The following PER2 variants were observed in gnomAD, a reference collection of about 807,000 sequenced individuals.
PER2 encodes the protein period circadian regulator 2.
Under a neutral mutation model 121.0 loss-of-function variants are expected in PER2, and 66 were observed. The ratio of observed to expected loss-of-function variants is 0.55; its 90% CI spans 0.45 to 0.67. The LOEUF (loss-of-function observed/expected upper bound fraction) is 0.67, where lower values mean the gene tolerates loss of function less well. PER2 is among the 30% of genes least tolerant of loss of function. PER2 has a pLI of 0.00. For synonymous variants in PER2, 684 were observed against 659.9 expected (o/e 1.04, Z -0.56); for missense variants, 1,521 against 1,635.0 (o/e 0.93, Z 1.20).
chr2:238,272,956 T>C (rs1696334847), intron 5 of PER2, 114 bp downstream of exon 5: 1 of 942,340 alleles, frequency 1.1e-6, no homozygotes, highest in Non-Finnish European at 1.7e-6. Flanking sequence ...GGAACTTATC[T>C]GCTGAAACCC....
At chr2:238,275,223 CCA>C (rs1696415678) in intron 4 of PER2, among the ~76,000 whole-genome samples, 1 of 152,196 alleles carries the variant, frequency 6.6e-6, no homozygotes, top group Non-Finnish European at 1.5e-5. Context: ...AGGCACAGCT[CCA>C]CAGTCGGGAG....
In PER2 at chr2:238,277,902, C is replaced by A. The variant is rs773040836; in HGVS notation, c.35G>T (p.Ser12Ile). 1.2e-6 allele frequency: 2 copies of A among 1,613,874 alleles called. No individual in the cohort carries two copies. Among genetic ancestry groups the A allele is most frequent in the Non-Finnish European group, 8.5e-7 (1 of 1,180,050 alleles). ...CTCCACGGGCTCCTTGGTGGGGTTA[C>A]TGGGGCTGGGCGGAAATTCCGCGTA... ...NGYAEFPPSP[S>I]NPTKEPVEPQ... The change falls in exon 2 of 23, where the codon AGT becomes ATT. Residue 12 changes from serine to isoleucine, a missense_variant. Physicochemically the swap from Ser to Ile is moderately radical, Grantham distance 142 (BLOSUM62 -2). Coordinates refer to ENST00000254657, the MANE Select transcript of PER2 (RefSeq NM_022817.3).
At chr2:238,292,806 C>T (rs1484033930), upstream of PER2, among the ~76,000 whole-genome samples, 23 of 150,148 alleles carry the variant, frequency 1.5e-4, no homozygotes, top group Non-Finnish European at 1.5e-5. Context: ...GGCATGATCT[C>T]GGCTCACTGC....
chr2:238,295,124 C>T, the PER2 span, among the ~76,000 whole-genome samples: 18 of 152,212 alleles, frequency 1.2e-4, no homozygotes, highest in Non-Finnish European at 2.9e-5. Context: ...TCTGTTTTCT[C>T]CTGCTGGCTT....
chr2:238,256,041 G>A (rs1043759559), intron 17 of PER2, 130 bp from the exon 18 acceptor site: 8 of 1,155,232 alleles, frequency 6.9e-6, no homozygotes, highest in East Asian at 2.4e-5. Context: ...GCATGAGGAT[G>A]AGACTCACAG....
chr2:238,271,193 C>A, intron 6 of PER2, 119 bp downstream of exon 6: 1 of 841,924 alleles, frequency 1.2e-6, no homozygotes, highest in Non-Finnish European at 2.1e-6. Flanking sequence ...CAGCTGGCGG[C>A]CCCCACAGGT....
upstream of PER2, among the ~76,000 whole-genome samples, chr2:238,293,571 C>G (rs1392710668): frequency 6.6e-6 from 1 of 151,860 alleles, no homozygotes; most frequent in African/African-American, 2.4e-5. Flanking sequence ...TCCGTCTCTA[C>G]TAAAAATACA....
intron 22 of PER2, chr2:238,247,180 T>C (rs964092386): frequency 6.6e-5 from 10 of 152,344 alleles, no homozygotes; most frequent in African/African-American, 2.4e-4. Context: ...TTGGCTGGAC[T>C]TAGGCATTTG....
intron 10 of PER2, among the ~76,000 whole-genome samples, 157 bp from the exon 11 acceptor site, chr2:238,262,501 G>T (rs1695966335): frequency 6.6e-6 from 1 of 152,130 alleles, no homozygotes; most frequent in Non-Finnish European, 1.5e-5. Context: ...TCCTGTTTTT[G>T]CTGTAGATTA....
chr2:238,288,062 G>T (rs1696841351), intron 1 of PER2, among the ~76,000 whole-genome samples: 2 of 152,154 alleles, frequency 1.3e-5, no homozygotes, highest in South Asian at 2.1e-4. Flanking sequence ...GGACTTCCTT[G>T]TCCCTCTGAT....
chr2:238,246,499 T>C lies in PER2; in HGVS notation c.3644A>G (p.Glu1215Gly). ...VAECVYCENK[E>G]KGNICIPYEE... is the part of the protein sequence containing the mutation. ...ATATGGTATGCAAATATTACCTTTT[T>C]CCTTGTTTTCACAGTAAACACATTC... The change falls in exon 23 of 23, where the codon GAA becomes GGA. Residue 1215 changes from glutamate (E) to glycine (G), a missense_variant. Physicochemically the swap from Glu to Gly is moderately conservative, Grantham distance 98. Coordinates refer to ENST00000254657, the MANE Select transcript of PER2 (RefSeq NM_022817.3). 1 of 1,582,162 alleles carries C rather than the reference T, an allele frequency of 6.3e-7. No homozygotes were observed. The highest frequency in any genetic ancestry group is 8.7e-7 in the Non-Finnish European group (1 of 1,151,094).
chr2:238,252,964 G>T lies in PER2; in HGVS notation c.3059C>A (p.Ala1020Glu), dbSNP rs767973991. 4.3e-6 allele frequency: 7 copies of T among 1,613,902 alleles called. No individual in the cohort carries two copies. The Admixed American group carries it at 1.2e-4, about 27-fold the overall frequency. ...TGATETAAVG[A>E]DCKPGTSRDQ... ...CCGAGAAGTGCCAGGTTTGCAGTCCGCCCCTACAGCTGCTGTCTCTGTGGC... is the reference window on the plus strand; with the variant it reads ...CCGAGAAGTGCCAGGTTTGCAGTCCTCCCCTACAGCTGCTGTCTCTGTGGC... The change falls in exon 19 of 23, where the codon GCG becomes GAG. Residue 1020 changes from alanine (A) to glutamate (E), a missense_variant. Transcript: ENST00000254657. This position sits in a 1 kb window ranked among gnomAD's most constrained non-coding sequence, Gnocchi z 4.2.
intron 21 of PER2, 80 bp downstream of exon 21, chr2:238,250,470 GA>G: frequency 1.0e-6 from 1 of 999,188 alleles, no homozygotes; most frequent in African/African-American, 1.6e-5. Flanking sequence ...CGCCCCATCT[GA>G]ATGACCTTGA....
chr2:238,250,579 C>T lies in PER2; in HGVS notation c.3439G>A (p.Val1147Ile), dbSNP rs774829432. ...WLLMADADSS[V>I]MMTYQLPSRN... ...GAAGGCAGCTGGTACGTCATCATGA[C>T]GCTGCTGTCCGCATCTGCCATCAGC... The change falls in exon 21 of 23, where the codon GTC (valine) becomes ATC (isoleucine). Residue 1147 changes from valine to isoleucine, a missense_variant. By Grantham distance (29) the Val-to-Ile change is conservative. Transcript: ENST00000254657. The T allele has an allele frequency of 4.3e-6, 7 of 1,613,368 alleles. No homozygotes were observed. The highest frequency in any genetic ancestry group is 1.1e-5 in the South Asian group (1 of 90,950).
chr2:238,291,021 G>T (rs181380039), upstream of PER2, among the ~76,000 whole-genome samples: 2 of 152,226 alleles, frequency 1.3e-5, no homozygotes, highest in East Asian at 1.9e-4. Flanking sequence ...GAAGGGGGAT[G>T]AACCCTTTCC....
At chr2:238,278,773 C>T (rs1229104547) in intron 1 of PER2, among the ~76,000 whole-genome samples, 2 of 152,100 alleles carry the variant, frequency 1.3e-5, no homozygotes, top group African/African-American at 4.8e-5. Flanking sequence ...AGGTGTGGAA[C>T]CCTCCCAGCA....
At chr2:238,292,328 C>A (rs1359601289), upstream of PER2, among the ~76,000 whole-genome samples, 1 of 152,240 alleles carries the variant, frequency 6.6e-6, no homozygotes, top group Non-Finnish European at 1.5e-5. Flanking sequence ...AAGGAAGTCA[C>A]AAGATTGAGC....
the PER2 span, among the ~76,000 whole-genome samples, chr2:238,297,950 G>A: frequency 6.6e-6 from 1 of 152,144 alleles, no homozygotes; most frequent in Non-Finnish European, 1.5e-5. Flanking sequence ...AGCCAGCATG[G>A]GGATGCCTCA....
chr2:238,295,571 G>T, the PER2 span: 1 of 152,412 alleles, frequency 6.6e-6, no homozygotes, highest in Non-Finnish European at 1.5e-5. Flanking sequence ...CCCCTCGAGC[G>T]GTGAGTGACC....
Sources: allele counts gnomAD v4.1 joint callset (sites outside exome capture counted in the v4.1 genomes callset), GRCh38; gene constraint gnomAD v4.1.1; non-coding constraint Gnocchi (gnomAD v3.1); transcripts MANE v1.5; gene names NCBI Gene and HGNC (gene_info 2026-07-23, HGNC 2026-07-21).